Variants in CCSER1 observed in about 807,000 individuals in gnomAD.
CCSER1 encodes the protein serine-rich coiled-coil domain-containing protein 1.
A neutral mutation model predicts 82.0 loss-of-function variants in CCSER1; 41 were observed. That is an observed-to-expected ratio of 0.50 (90% CI 0.39 to 0.65). CCSER1 has a LOEUF of 0.65. Among genes scored for constraint, CCSER1 ranks in the 30% least tolerant of loss-of-function variants. The pLI, the probability that CCSER1 is intolerant of heterozygous loss-of-function variation, is 0.00. For missense variants in CCSER1, 1,119 were observed against 1,064.2 expected (o/e 1.05, Z -0.72); for synonymous variants, 414 against 383.9 (o/e 1.08, Z -0.92).
chr4:91,188,860 G>C (rs1734780747), intron 10 of CCSER1, among the ~76,000 whole-genome samples: 1 of 152,072 alleles, frequency 6.6e-6, no homozygotes, highest in Non-Finnish European at 1.5e-5. Context: ...TAATTATTAA[G>C]ATTGTGATAG....
At chr4:90,447,108 G>A (rs534970739) in intron 4 of CCSER1, among the ~76,000 whole-genome samples, 31 of 152,284 alleles carry the variant, frequency 2.0e-4, no homozygotes, top group Admixed American at 7.8e-4. Context: ...CAACTCTGCA[G>A]GGATTGAAAA....
At chr4:91,103,446 C>T (rs1450921604) in intron 10 of CCSER1, among the ~76,000 whole-genome samples, 2 of 152,064 alleles carry the variant, frequency 1.3e-5, no homozygotes, top group African/African-American at 4.8e-5. Flanking sequence ...AATTTTTTAG[C>T]TCCTAAGAAA....
chr4:90,459,201 G>A (rs1196829890), intron 4 of CCSER1, among the ~76,000 whole-genome samples: 3 of 152,116 alleles, frequency 2.0e-5, no homozygotes, highest in Non-Finnish European at 2.9e-5. Flanking sequence ...ACATTGGGAA[G>A]GAGGGAACCA....
intron 9 of CCSER1, among the ~76,000 whole-genome samples, chr4:91,052,190 A>G (rs1247637982): frequency 6.6e-6 from 1 of 152,088 alleles, no homozygotes; most frequent in East Asian, 1.9e-4. Context: ...TGCTATCGTT[A>G]TATAATCAGT....
intron 4 of CCSER1, among the ~76,000 whole-genome samples, chr4:90,450,068 A>G (rs1290338324): frequency 6.6e-6 from 1 of 152,164 alleles, no homozygotes; most frequent in African/African-American, 2.4e-5. Flanking sequence ...GATAGGGATG[A>G]TGCTGCTCTT....
At chr4:90,204,410 TG>T (rs1264838413) in intron 1 of CCSER1, among the ~76,000 whole-genome samples, 12 of 152,232 alleles carry the variant, frequency 7.9e-5, no homozygotes, top group Non-Finnish European at 1.5e-4. Flanking sequence ...TTTCTGCATA[TG>T]GCTAGCCAGT....
chr4:90,299,012 C>T (rs1732560255), intron 1 of CCSER1, among the ~76,000 whole-genome samples: 3 of 151,982 alleles, frequency 2.0e-5, no homozygotes, highest in Non-Finnish European at 4.4e-5. Context: ...TCTGTTTCTT[C>T]TGGTCATTAA....
intron 1 of CCSER1, among the ~76,000 whole-genome samples, chr4:90,174,405 C>T (rs772288609): frequency 1.3e-5 from 2 of 152,026 alleles, no homozygotes; most frequent in Non-Finnish European, 2.9e-5. Flanking sequence ...TTTTAAGGCA[C>T]TGGAACACTG....
intron 10 of CCSER1, among the ~76,000 whole-genome samples, chr4:91,217,892 G>T (rs565477179): frequency 6.6e-6 from 1 of 152,242 alleles, no homozygotes; most frequent in Non-Finnish European, 1.5e-5. Context: ...AGACTCAGGA[G>T]CCCAGCTGGC....
rs747459246 is a variant in CCSER1 at position 90,308,944 on chromosome 4, A to T, written c.660A>T (p.Glu220Asp). Residue 220 changes from glutamate to aspartate, a missense_variant, in exon 2 of 11, where the codon GAA becomes GAT. By Grantham distance (45) the Glu-to-Asp change is conservative. Transcript: ENST00000509176. ...AAGTTACACAGTACCAAGAGAGAGA[A>T]CCTGTATTAGTAAGAGCTTCGCCAT... is the stretch of plus-strand genomic sequence containing the variant. ...SLEVTQYQER[E>D]PVLVRASPSC... 9 of 1,613,702 alleles carry T rather than the reference A, an allele frequency of 5.6e-6. No homozygotes were observed. Among genetic ancestry groups the T allele is most frequent in the Non-Finnish European group, 2.5e-6 (3 of 1,179,826 alleles).
chr4:90,534,328 A>C (rs940026481), intron 5 of CCSER1, among the ~76,000 whole-genome samples: 3 of 152,014 alleles, frequency 2.0e-5, no homozygotes, highest in Admixed American at 6.6e-5. Flanking sequence ...ACGGGGTTTC[A>C]CCATGTTAGC....
chr4:91,196,662 G>A (rs1735462443), intron 10 of CCSER1, among the ~76,000 whole-genome samples: 1 of 152,148 alleles, frequency 6.6e-6, no homozygotes, highest in Non-Finnish European at 1.5e-5. Context: ...TGATCATTTG[G>A]TGATTTGTTC....
At chr4:90,532,840 TCCTCCTCTA>T (rs1774741876) in intron 5 of CCSER1, among the ~76,000 whole-genome samples, 1 of 152,186 alleles carries the variant, frequency 6.6e-6, no homozygotes, top group Non-Finnish European at 1.5e-5. Flanking sequence ...TTGAGTAGCT[TCCTCCTCTA>T]CTTCTCCCAA....
At chr4:90,139,617 C>A (rs1201693108) in intron 1 of CCSER1, among the ~76,000 whole-genome samples, 1 of 152,000 alleles carries the variant, frequency 6.6e-6, no homozygotes, top group African/African-American at 2.4e-5. Context: ...ACAATTGTGT[C>A]ACTCAGAGAA....
chr4:90,315,585 A>G (rs188608599), intron 3 of CCSER1, among the ~76,000 whole-genome samples: 32 of 151,440 alleles, frequency 2.1e-4, no homozygotes, highest in African/African-American at 7.5e-4. Flanking sequence ...GCTCTCTGCA[A>G]CCTCCCCTCC....
intron 10 of CCSER1, among the ~76,000 whole-genome samples, chr4:91,576,949 A>G (rs891363430): frequency 1.3e-5 from 2 of 151,664 alleles, no homozygotes; most frequent in Non-Finnish European, 1.5e-5. Flanking sequence ...GTGCATGTAT[A>G]TCAAAACATC....
intron 10 of CCSER1, among the ~76,000 whole-genome samples, chr4:91,515,181 T>C (rs1760037213): frequency 6.6e-6 from 1 of 152,146 alleles, no homozygotes; most frequent in Admixed American, 6.6e-5. Flanking sequence ...ATAGTTAACA[T>C]ATAGTTGGAT....
At chr4:91,039,569 T>G (rs1741744223) in intron 9 of CCSER1, among the ~76,000 whole-genome samples, 1 of 152,174 alleles carries the variant, frequency 6.6e-6, no homozygotes, top group East Asian at 1.9e-4. Flanking sequence ...GACTGGTCCC[T>G]TATTTTTGAC....
rs114414750 is a variant in CCSER1, at chr4:90,406,113, G to A, written c.1603+5984G>A. Among the ~76,000 whole-genome samples the A allele has an allele frequency of 7.6e-3, 1,162 of 152,198 alleles. 14 individuals carry two copies. The highest frequency in any genetic ancestry group is 0.026 in the African/African-American group (1,096 of 41,522). Reference sequence around the variant, plus strand: ...CTAAACAAGTTTGTTCTGTTTTCAGGAAACTCACCTAACACGTAAGAATTC... The same window carrying A: ...CTAAACAAGTTTGTTCTGTTTTCAGAAAACTCACCTAACACGTAAGAATTC... On this transcript the variant is annotated intron_variant, in intron 4 of 10. Coordinates refer to ENST00000509176, the MANE Select transcript of CCSER1 (RefSeq NM_001145065.2).
Sources: gnomAD v4.1 joint callset for allele counts (sites outside exome capture counted in the v4.1 genomes callset) on GRCh38, gnomAD v4.1.1 for gene constraint, MANE v1.5 for transcripts, NCBI Gene and HGNC (gene_info 2026-07-23, HGNC 2026-07-21) for gene names.